The following PLA2R1 variants were observed in gnomAD, a reference collection of about 807,000 sequenced individuals.
PLA2R1 encodes the protein secretory phospholipase A2 receptor.
In PLA2R1, 158 loss-of-function variants were observed where a neutral mutation model predicts 195.9. The observed-to-expected ratio is 0.81, with a 90% CI of 0.71 to 0.92. The LOEUF (loss-of-function observed/expected upper bound fraction) is 0.92. PLA2R1 is among the 40% of genes least tolerant of loss of function. PLA2R1 has a pLI of 0.00. For synonymous variants in PLA2R1, 586 were observed against 598.2 expected (o/e 0.98, Z 0.30); for missense variants, 1,626 against 1,764.6 (o/e 0.92, Z 1.41).
chr2:159,979,172 G>A (rs1333420425), intron 14 of PLA2R1, among the ~76,000 whole-genome samples: 2 of 152,120 alleles, frequency 1.3e-5, no homozygotes, highest in African/African-American at 4.8e-5. Flanking sequence ...TGTGCCGTAG[G>A]ATGGATCCCA....
chr2:160,021,839 G>C (rs1174847111), intron 7 of PLA2R1, among the ~76,000 whole-genome samples: 3 of 152,060 alleles, frequency 2.0e-5, no homozygotes, highest in Non-Finnish European at 4.4e-5. Flanking sequence ...CCTCTTAAAG[G>C]CATTGAAATG....
rs1694557847 is a variant in PLA2R1 at position 160,042,113 on chromosome 2, G to C, written c.579C>G (p.Thr193=). The C allele has an allele frequency of 8.1e-6, 13 of 1,613,940 alleles. No homozygotes were observed. The highest frequency in any genetic ancestry group is 1.0e-5 in the Non-Finnish European group (12 of 1,179,798). ...GTAAGTCATCTTCCCGACCTTCACG[G>C]GTACATTCATGATGCCACTGATGGT... is the stretch of plus-strand genomic sequence containing the variant. ...QYNHQWHHEC[T]REGREDDLLW... Residue 193 remains threonine (T), a synonymous_variant, in exon 3 of 30, where the codon ACC becomes ACG. Coordinates refer to ENST00000283243, the MANE Select transcript of PLA2R1 (RefSeq NM_007366.5).
chr2:160,018,515 C>A lies in PLA2R1; in HGVS notation c.1452+1591G>T, dbSNP rs1269977250. On this transcript the variant is annotated intron_variant, in intron 8 of 29. Transcript: ENST00000283243. ...GGCATGCTGGTGCAAGCCTGTAATC[C>A]CAGCTACTTGGGAGGCTGAGGCATG... Among the ~76,000 whole-genome samples the A allele has an allele frequency of 2.0e-5, 3 of 152,250 alleles. No homozygotes were observed. The East Asian group carries it at 5.8e-4, about 29-fold the overall frequency.
At chr2:160,033,876 CA>C (rs1251217192) in intron 3 of PLA2R1, among the ~76,000 whole-genome samples, 1 of 152,090 alleles carries the variant, frequency 6.6e-6, no homozygotes, top group Non-Finnish European at 1.5e-5. Flanking sequence ...GACCGGAAAC[CA>C]AACTCAGACA....
chr2:159,975,531 C>CTCTT (rs36014081), intron 17 of PLA2R1, among the ~76,000 whole-genome samples: 91,758 of 151,592 alleles, frequency 0.61, 31,791 homozygotes, highest in Non-Finnish European at 0.77. Context: ...AAATAATGTA[C>CTCTT]TCTTGTAAGA....
At chr2:159,971,255 A>G (rs1269836848) in intron 17 of PLA2R1, among the ~76,000 whole-genome samples, 1 of 152,204 alleles carries the variant, frequency 6.6e-6, no homozygotes, top group African/African-American at 2.4e-5. Context: ...CACCAATAAA[A>G]AAACCACTTA....
chr2:160,016,237 C>G (rs1692737527), intron 9 of PLA2R1, among the ~76,000 whole-genome samples: 1 of 133,008 alleles, frequency 7.5e-6, no homozygotes, highest in South Asian at 2.2e-4. Flanking sequence ...GCACTCCAGC[C>G]TGGGTGACAA....
At chr2:159,954,481 C>T (rs1233226173) in intron 23 of PLA2R1, among the ~76,000 whole-genome samples, 4 of 150,582 alleles carry the variant, frequency 2.7e-5, no homozygotes, top group Non-Finnish European at 5.9e-5. Context: ...ACGTATGCCA[C>T]ATTAAGAAGT....
At chr2:160,020,328 A>T in intron 7 of PLA2R1, 65 bp from the exon 8 acceptor site, 1 of 1,000,708 alleles carries the variant, frequency 1.0e-6, no homozygotes, top group Non-Finnish European at 1.5e-6. Flanking sequence ...AACACCCTGG[A>T]GTTATTACTA....
At chr2:159,979,574 G>A (rs1689804303) in intron 14 of PLA2R1, among the ~76,000 whole-genome samples, 1 of 152,124 alleles carries the variant, frequency 6.6e-6, no homozygotes, top group African/African-American at 2.4e-5. Context: ...GACTTCATAT[G>A]GGAGATGGTT....
chr2:159,986,869 G>C (rs928802716), intron 12 of PLA2R1, among the ~76,000 whole-genome samples: 2 of 152,172 alleles, frequency 1.3e-5, no homozygotes, highest in African/African-American at 4.8e-5. Context: ...TTACAGGCGT[G>C]AGTCACTGTG....
intron 25 of PLA2R1, 131 bp from the exon 26 acceptor site, chr2:159,947,690 G>A (rs908358243): frequency 5.7e-6 from 5 of 871,044 alleles, no homozygotes; most frequent in African/African-American, 1.8e-5. Flanking sequence ...TACTCTGAAA[G>A]ATTGGGTTTC....
At chr2:160,005,229 A>G (rs1236325589) in intron 11 of PLA2R1, among the ~76,000 whole-genome samples, 9 of 152,168 alleles carry the variant, frequency 5.9e-5, no homozygotes, top group Admixed American at 5.9e-4. Flanking sequence ...CCAAGGTGGG[A>G]GGATTGCTTG....
intron 11 of PLA2R1, among the ~76,000 whole-genome samples, chr2:159,989,601 C>A (rs113137597): frequency 2.0e-5 from 3 of 152,224 alleles, no homozygotes; most frequent in African/African-American, 7.2e-5. Flanking sequence ...CCACAATAGG[C>A]CTTGTCTAAA....
intron 1 of PLA2R1, among the ~76,000 whole-genome samples, chr2:160,045,877 G>A (rs896864088): frequency 2.0e-5 from 3 of 152,140 alleles, no homozygotes; most frequent in African/African-American, 7.2e-5. Flanking sequence ...CCACCATTAC[G>A]GTGGCAGAAA....
intron 17 of PLA2R1, among the ~76,000 whole-genome samples, chr2:159,972,683 T>C (rs1259087779): frequency 3.9e-5 from 6 of 152,332 alleles, no homozygotes; most frequent in African/African-American, 1.4e-4. Flanking sequence ...CATTTCAAAA[T>C]GACAATACTG....
intron 20 of PLA2R1, among the ~76,000 whole-genome samples, chr2:159,962,048 T>A (rs1007175965): frequency 6.6e-6 from 1 of 152,092 alleles, no homozygotes; most frequent in East Asian, 1.9e-4. Flanking sequence ...TCTAATTAAA[T>A]TAAAGAGCTT....
rs1687299363 is a variant in PLA2R1, at chr2:159,945,099, G to C, written c.3968-17C>G. The C allele has an allele frequency of 3.2e-6, 5 of 1,583,906 alleles. No homozygotes were observed. Among genetic ancestry groups the C allele is most frequent in the Non-Finnish European group, 4.3e-6 (5 of 1,159,578 alleles). ...TGGTTTCATCTGTGAGAAAATTGCT[G>C]ACTCATTATGAATTATGTGCATGGT... On this transcript the variant is annotated splice_polypyrimidine_tract_variant and intron_variant, in intron 27 of 29. Transcript: ENST00000283243.
intron 17 of PLA2R1, among the ~76,000 whole-genome samples, chr2:159,972,416 A>G (rs1689251885): frequency 1.3e-5 from 2 of 152,232 alleles, no homozygotes; most frequent in Admixed American, 6.5e-5. Flanking sequence ...ATTTTATAAC[A>G]TCAACTATGT....
Sources: allele counts gnomAD v4.1 joint callset (sites outside exome capture counted in the v4.1 genomes callset), GRCh38; gene constraint gnomAD v4.1.1; transcripts MANE v1.5; gene names NCBI Gene and HGNC (gene_info 2026-07-23, HGNC 2026-07-21).